CAT: variants seen among roughly 807,000 people sequenced by gnomAD.
CAT encodes the protein epididymis secretory sperm binding protein.
In CAT, 43 loss-of-function variants were observed where a neutral mutation model predicts 59.0. The observed-to-expected ratio is 0.73, with a 90% CI of 0.57 to 0.94. The LOEUF is 0.94. Among genes scored for constraint, CAT ranks in the 40% least tolerant of loss-of-function variants. CAT has a pLI of 0.00. For synonymous variants in CAT, 218 were observed against 230.9 expected (o/e 0.94, Z 0.51); for missense variants, 664 against 682.9 (o/e 0.97, Z 0.31).
At chr11:34,468,554 T>C (rs1856744102) in intron 11 of CAT, 159 bp downstream of exon 11, 6 of 659,580 alleles carry the variant, frequency 9.1e-6, no homozygotes, top group South Asian at 8.5e-5. Context: ...AACTTCTGAT[T>C]ATTTTCTTTC....
At chr11:34,456,257 T>G in intron 7 of CAT, 55 bp downstream of exon 7, 1 of 1,363,226 alleles carries the variant, frequency 7.3e-7, no homozygotes, top group Non-Finnish European at 1.0e-6. Flanking sequence ...CTTACCTAAT[T>G]AGAAAAAAAA....
chr11:34,466,780 C>CAAAAAAAAAAAA (rs71457350), intron 10 of CAT, among the ~76,000 whole-genome samples: 12 of 41,126 alleles, frequency 2.9e-4, no homozygotes, highest in African/African-American at 4.3e-4. Flanking sequence ...GACTCCGTCT[C>CAAAAAAAAAAAA]AAAAAAAAAA....
At chr11:34,439,115 C>G in intron 1 of CAT, 36 bp downstream of exon 1, 1 of 1,553,358 alleles carries the variant, frequency 6.4e-7, no homozygotes, top group Non-Finnish European at 8.7e-7. Flanking sequence ...CCCGAAGGTC[C>G]GTTTAGAAAG....
Position 34,456,129 on chromosome 11 carries a change from G to T in CAT, c.830G>T (p.Trp277Leu), listed in dbSNP as rs753916355. 1 of 1,613,982 alleles carries T rather than the reference G, an allele frequency of 6.2e-7. No individual in the cohort carries two copies. Among genetic ancestry groups the T allele is most frequent in the Non-Finnish European group, 8.5e-7 (1 of 1,179,942 alleles). The stretch of plus-strand genomic sequence containing the variant: ...ATTGCCACAGGAAAGTACCCCTCCT[G>T]GACTTTTTACATCCAGGTCATGACA... ...NAIATGKYPS[W>L]TFYIQVMTFN... The change falls in exon 7 of 13, where the codon TGG becomes TTG. Residue 277 changes from tryptophan to leucine, a missense_variant. Coordinates refer to ENST00000241052, the MANE Select transcript of CAT (RefSeq NM_001752.4).
At chr11:34,446,795 G>A (rs1856461949) in intron 1 of CAT, among the ~76,000 whole-genome samples, 1 of 151,210 alleles carries the variant, frequency 6.6e-6, no homozygotes, top group Non-Finnish European at 1.5e-5. Flanking sequence ...AGGCTGGAGT[G>A]CAATGGCACG....
intron 8 of CAT, among the ~76,000 whole-genome samples, chr11:34,459,014 T>G (rs1856620711): frequency 1.3e-5 from 2 of 152,230 alleles, no homozygotes; most frequent in Admixed American, 6.5e-5. Context: ...AGGTTGTTTT[T>G]TTTTTAAATG....
chr11:34,468,316 A>G lies in CAT; in HGVS notation c.1355A>G (p.Asn452Ser), dbSNP rs761221013. 4.3e-6 allele frequency: 7 copies of G among 1,614,030 alleles called. No individual in the cohort carries two copies. Among genetic ancestry groups the G allele is most frequent in the Non-Finnish European group, 5.9e-6 (7 of 1,179,952 alleles). Residue 452 changes from asparagine (N) to serine (S), a missense_variant, in exon 11 of 13, where the codon AAT becomes AGT. Coordinates refer to ENST00000241052, the MANE Select transcript of CAT (RefSeq NM_001752.4). The stretch of plus-strand genomic sequence containing the variant: ...CGGGCATTCTATGTGAACGTGCTGA[A>G]TGAGGAACAGAGGAAACGTCTGTGT... ...QVRAFYVNVL[N>S]EEQRKRLCEN...
At position 34,456,701 on chromosome 11, in the gene CAT, G is replaced by C. The variant is rs1322114274; in HGVS notation, c.940G>C (p.Gly314Arg). The change falls in exon 8 of 13, where the codon GGT (glycine) becomes CGT (arginine). Residue 314 changes from glycine to arginine, a missense_variant. Transcript: ENST00000241052. ...CAAGGACTACCCTCTCATCCCAGTT[G>C]GTAAACTGGTCTTAAACCGGAATCC... is the stretch of plus-strand genomic sequence containing the variant. ...PHKDYPLIPV[G>R]KLVLNRNPVN... The C allele has an allele frequency of 6.2e-7, 1 of 1,613,298 alleles. No homozygotes were observed. The highest frequency in any genetic ancestry group is 2.2e-5 in the East Asian group (1 of 44,892).
Position 34,471,055 on chromosome 11 carries a change from A to G in CAT, c.1518+14A>G. The G allele has an allele frequency of 6.2e-7, 1 of 1,611,638 alleles. No individual in the cohort carries two copies. The highest frequency in any genetic ancestry group is 8.5e-7 in the Non-Finnish European group (1 of 1,177,662). ...GAGAAGCCTAAGGTAAGCTGGGAGC[A>G]GCCTGGCCATGCAGAGGCTGTGTGT... On this transcript the variant is annotated intron_variant, in intron 12 of 12. Coordinates refer to ENST00000241052, the MANE Select transcript of CAT (RefSeq NM_001752.4).
chr11:34,441,469 C>A (rs17886200), intron 1 of CAT, among the ~76,000 whole-genome samples: 34,350 of 152,114 alleles, frequency 0.23, 4,178 homozygotes, highest in South Asian at 0.34. Context: ...TTGCTGGACA[C>A]CTGGGCTATT....
At chr11:34,460,977 T>C in intron 8 of CAT, 1 of 482,268 alleles carries the variant, frequency 2.1e-6, no homozygotes, top group East Asian at 4.2e-5. Context: ...CACTAACTTG[T>C]TATGCAGAAG....
chr11:34,471,507 C>A lies in CAT; in HGVS notation c.*74C>A, dbSNP rs1856772886. On this transcript the variant is annotated 3_prime_UTR_variant, in exon 13 of 13. Transcript: ENST00000241052. ...ACCCGCTCATCACTGGATGAAGATT[C>A]TCCTGTGCTAGATGTGCAAATGCAA... 9 of 1,280,082 alleles carry A rather than the reference C, an allele frequency of 7.0e-6. No individual in the cohort carries two copies. The South Asian group carries it at 8.3e-5, about 12-fold the overall frequency. The allele number at this position is 1,280,082 out of a possible 1,614,324, so 79.3% of individuals were successfully genotyped here. A position where few individuals can be genotyped will look rare whatever the true frequency, so the allele number is the denominator to read the frequency against.
chr11:34,441,133 T>C (rs1590297007), intron 1 of CAT, among the ~76,000 whole-genome samples: 1 of 152,230 alleles, frequency 6.6e-6, no homozygotes, highest in Non-Finnish European at 1.5e-5. Flanking sequence ...TAAAAACCGC[T>C]TACTTCTTTT....
At chr11:34,444,826 A>ATT (rs1856430363) in intron 1 of CAT, among the ~76,000 whole-genome samples, 1 of 152,230 alleles carries the variant, frequency 6.6e-6, no homozygotes, top group East Asian at 1.9e-4. Context: ...TGGCCAAAAG[A>ATT]AGCCTATAAA....
At chr11:34,468,187 A>G in intron 10 of CAT, 101 bp from the exon 11 acceptor site, 1 of 879,088 alleles carries the variant, frequency 1.1e-6, no homozygotes, top group Non-Finnish European at 1.9e-6. Context: ...TAACTTCTAA[A>G]GTTTTTTTTA....
At chr11:34,470,051 CTA>C (rs1364078370) in intron 11 of CAT, among the ~76,000 whole-genome samples, 1 of 152,114 alleles carries the variant, frequency 6.6e-6, no homozygotes, top group Non-Finnish European at 1.5e-5. Flanking sequence ...CAATTCAATT[CTA>C]ACAGTAGCTC....
intron 1 of CAT, among the ~76,000 whole-genome samples, chr11:34,445,837 G>A (rs944201707): frequency 2.0e-5 from 3 of 152,110 alleles, no homozygotes; most frequent in Non-Finnish European, 1.5e-5. Flanking sequence ...CTGTCCTTAC[G>A]TGTTACATGT....
intron 10 of CAT, among the ~76,000 whole-genome samples, chr11:34,464,492 G>T (rs906342495): frequency 6.6e-6 from 1 of 152,182 alleles, no homozygotes; most frequent in Non-Finnish European, 1.5e-5. Context: ...TGGGGAGGGG[G>T]CATTGGGGAA....
At position 34,461,365 on chromosome 11, in the gene CAT, C is replaced by T. The variant is rs1856649011; in HGVS notation, c.1171C>T (p.Pro391Ser). ...ARVANYQRDG[P>S]MCMQDNQGGA... is the part of the protein sequence containing the mutation. ...AGTGGCCAACTACCAGCGTGACGGC[C>T]CGATGTGCATGCAGGACAATCAGGG... is the stretch of plus-strand genomic sequence containing the variant. The change falls in exon 9 of 13, where the codon CCG (proline) becomes TCG (serine). Residue 391 changes from proline (P) to serine (S), a missense_variant. Coordinates refer to ENST00000241052, the MANE Select transcript of CAT (RefSeq NM_001752.4). 4 of 1,614,082 alleles carry T rather than the reference C, an allele frequency of 2.5e-6. No individual in the cohort carries two copies. The African/African-American group carries it at 5.3e-5, about 22-fold the overall frequency.
Sources: gnomAD v4.1 joint callset for allele counts (sites outside exome capture counted in the v4.1 genomes callset) on GRCh38, gnomAD v4.1.1 for gene constraint, MANE v1.5 for transcripts, NCBI Gene and HGNC (gene_info 2026-07-23, HGNC 2026-07-21) for gene names.